ZNF469: variants seen among roughly 807,000 people sequenced by gnomAD.
The protein encoded by ZNF469 is zinc finger protein 469.
In ZNF469, 1 loss-of-function variant was observed where a neutral mutation model predicts 1.0. The ratio of observed to expected loss-of-function variants is 1.00; its 90% CI spans 0.35 to 4.73. ZNF469 has a LOEUF of 4.73. Ranked by LOEUF, ZNF469 falls within the 30% of genes most tolerant of loss-of-function variation. The probability of loss-of-function intolerance (pLI) is 0.16; values close to 1 mark genes in which losing one functional copy is unlikely to be tolerated. For missense variants in ZNF469, 6,100 were observed against 5,356.3 expected (o/e 1.14, Z -4.33); for synonymous variants, 2,703 against 2,363.4 (o/e 1.14, Z -4.17).
At chr16:88,131,841 A>ACCTCCTGGTGGGGAATTCC in the ZNF469 span, among the ~76,000 whole-genome samples, 159 of 152,006 alleles carry the variant, frequency 1.0e-3, 1 homozygote, top group African/African-American at 3.7e-3. Flanking sequence ...CAGCTCTGTG[A>ACCTCCTGGTGGGGAATTCC]CCTCCTGGTG....
At chr16:88,311,192 G>A in the ZNF469 span, among the ~76,000 whole-genome samples, 4 of 152,150 alleles carry the variant, frequency 2.6e-5, no homozygotes, top group Non-Finnish European at 5.9e-5. Context: ...CCCTGGGGGC[G>A]AAGTGCCCAT....
At chr16:88,401,530 GA>G (rs1567501584) in intron 1 of ZNF469, among the ~76,000 whole-genome samples, 212 of 110,728 alleles carry the variant, frequency 1.9e-3, no homozygotes, top group Middle Eastern at 4.9e-3. Flanking sequence ...TGGATGGATG[GA>G]TGCATGGGTG....
In ZNF469 at chr16:88,434,540, G is replaced by C; in HGVS notation, c.7070G>C (p.Gly2357Ala). The C allele has an allele frequency of 6.5e-7, 1 of 1,550,334 alleles. No individual in the cohort carries two copies. The highest frequency in any genetic ancestry group is 1.2e-5 in the South Asian group (1 of 84,058). ...AVPTEPPTLQ[G>A]AGPDSPACLE... ...CCCACTGAGCCTCCCACGCTACAGG[G>C]TGCAGGGCCGGACTCCCCCGCCTGC... Residue 2357 changes from glycine to alanine, a missense_variant, in exon 3 of 3, where the codon GGT (glycine) becomes GCT (alanine). Gly to Ala is a moderately conservative substitution (Grantham distance 60). Coordinates refer to ENST00000565624, the MANE Select transcript of ZNF469 (RefSeq NM_001367624.2).
intron 1 of ZNF469, among the ~76,000 whole-genome samples, chr16:88,403,891 G>A (rs759396898): frequency 7.9e-5 from 12 of 152,084 alleles, no homozygotes; most frequent in Non-Finnish European, 1.3e-4. Flanking sequence ...CAAATTCAGG[G>A]GTTCCTGGTG....
At chr16:88,336,715 A>T in the ZNF469 span, among the ~76,000 whole-genome samples, 1 of 152,244 alleles carries the variant, frequency 6.6e-6, no homozygotes, top group Non-Finnish European at 1.5e-5. Context: ...TGAGACACTG[A>T]CACGCCAATA....
the ZNF469 span, among the ~76,000 whole-genome samples, chr16:88,307,545 TG>T: frequency 6.6e-6 from 1 of 152,220 alleles, no homozygotes. Context: ...AGCTCCTGGG[TG>T]TGAAGTGGCA....
chr16:88,143,767 G>T, the ZNF469 span, among the ~76,000 whole-genome samples: 3 of 152,216 alleles, frequency 2.0e-5, no homozygotes, highest in Non-Finnish European at 2.9e-5. Flanking sequence ...GAGCGGTCCC[G>T]GCTGGATGTG....
intron 1 of ZNF469, among the ~76,000 whole-genome samples, chr16:88,401,610 G>T (rs1461194264): frequency 6.7e-6 from 1 of 150,198 alleles, no homozygotes; most frequent in African/African-American, 2.5e-5. Context: ...TGGATAGTTG[G>T]GTGAGTGGAT....
At chr16:88,149,594 A>G in the ZNF469 span, among the ~76,000 whole-genome samples, 1 of 152,166 alleles carries the variant, frequency 6.6e-6, no homozygotes, top group Non-Finnish European at 1.5e-5. Context: ...TCAGTCCAAA[A>G]GTAGCAAGGG....
the ZNF469 span, among the ~76,000 whole-genome samples, chr16:88,362,996 A>G: frequency 6.6e-6 from 1 of 152,186 alleles, no homozygotes. Context: ...TGTAGAGCCC[A>G]TCCAGGAAAT....
At chr16:88,345,372 A>G in the ZNF469 span, among the ~76,000 whole-genome samples, 1 of 152,182 alleles carries the variant, frequency 6.6e-6, no homozygotes. Context: ...TTTTAATTGT[A>G]CCTAATTTCA....
Position 88,431,406 on chromosome 16 carries a change from C to T in ZNF469, c.3936C>T (p.Val1312=). 3 of 1,550,288 alleles carry T rather than the reference C, an allele frequency of 1.9e-6. No homozygotes were observed. The highest frequency in any genetic ancestry group is 2.6e-6 in the Non-Finnish European group (3 of 1,146,978). The change falls in exon 3 of 3, where the codon GTC becomes GTT. Residue 1312 remains valine (V), a synonymous_variant. Transcript: ENST00000565624. ...GTCCTGGGGGCACACAGGCCCCAGT[C>T]TCCCACAACAGCAAGGACCCCCCTG... ...LGGPGGTQAP[V]SHNSKDPPAR...
chr16:88,333,225 G>A, the ZNF469 span, among the ~76,000 whole-genome samples: 1 of 152,164 alleles, frequency 6.6e-6, no homozygotes, highest in Non-Finnish European at 1.5e-5. Flanking sequence ...GGGAAACCAG[G>A]TGTGGTCTCC....
chr16:88,275,127 G>T, the ZNF469 span, among the ~76,000 whole-genome samples: 1 of 152,206 alleles, frequency 6.6e-6, no homozygotes, highest in South Asian at 2.1e-4. Context: ...ACCTGGAAAC[G>T]ATTAATTAAT....
chr16:88,403,467 C>T (rs1419105507), intron 1 of ZNF469, among the ~76,000 whole-genome samples: 2 of 151,786 alleles, frequency 1.3e-5, no homozygotes, highest in Non-Finnish European at 2.9e-5. Flanking sequence ...GCTCACACCG[C>T]CATCTCGGGA....
the ZNF469 span, among the ~76,000 whole-genome samples, chr16:88,112,772 C>CTTTTTTTTTTT: frequency 8.2e-5 from 6 of 73,484 alleles, no homozygotes; most frequent in Non-Finnish European, 9.1e-5. Context: ...TGTGCAGAAG[C>CTTTTTTTTTTT]TTTTTTTTTT....
At chr16:88,122,596 A>G in the ZNF469 span, among the ~76,000 whole-genome samples, 1 of 151,998 alleles carries the variant, frequency 6.6e-6, no homozygotes, top group Admixed American at 6.6e-5. Flanking sequence ...CCACTTGGAT[A>G]GTTGGTCAAT....
chr16:88,242,158 T>G, the ZNF469 span, among the ~76,000 whole-genome samples: 1 of 152,320 alleles, frequency 6.6e-6, no homozygotes, highest in East Asian at 1.9e-4. Flanking sequence ...CCCAGCGCTC[T>G]GCAACCGGCT....
chr16:88,301,200 G>T, the ZNF469 span, among the ~76,000 whole-genome samples: 19 of 152,082 alleles, frequency 1.2e-4, no homozygotes, highest in African/African-American at 4.1e-4. Context: ...TGTCACCTGG[G>T]CTAGAGTGCA....
Sources: gnomAD v4.1 joint callset for allele counts (sites outside exome capture counted in the v4.1 genomes callset) on GRCh38, gnomAD v4.1.1 for gene constraint, MANE v1.5 for transcripts, NCBI Gene and HGNC (gene_info 2026-07-23, HGNC 2026-07-21) for gene names.